Variants in NAALADL2 observed in about 807,000 individuals in gnomAD.
NAALADL2 encodes inactive N-acetylated-alpha-linked acidic dipeptidase-like protein 2.
A neutral mutation model predicts 87.2 loss-of-function variants in NAALADL2; 76 were observed. The ratio of observed to expected loss-of-function variants is 0.87; its 90% confidence interval spans 0.72 to 1.05. The LOEUF (loss-of-function observed/expected upper bound fraction) is 1.05. NAALADL2 is among the 50% of genes least tolerant of loss of function. The probability of loss-of-function intolerance (pLI) is 0.00; values close to 1 mark genes in which losing one functional copy is unlikely to be tolerated. For synonymous variants in NAALADL2, 354 were observed against 331.0 expected (o/e 1.07, Z -0.75); for missense variants, 1,089 against 945.8 (o/e 1.15, Z -1.99).
rs561354956 is a variant in NAALADL2, at chr3:175,311,632, C to G, written c.940-12543C>G. Among the ~76,000 whole-genome samples, 3 of 151,260 alleles carry G rather than the reference C, an allele frequency of 2.0e-5. No individual in the cohort carries two copies. The East Asian group carries it at 5.9e-4, about 30-fold the overall frequency. On this transcript the variant is annotated intron_variant, in intron 4 of 13. Transcript: ENST00000454872. ...CTTTCCTTCCTTCTTCCCTCCCTCC[C>G]TTTATCCCTTCCTCTCTCCCTCCCT...
At chr3:174,712,197 C>G (rs998283608) in intron 2 of NAALADL2, among the ~76,000 whole-genome samples, 2 of 152,026 alleles carry the variant, frequency 1.3e-5, no homozygotes, top group Admixed American at 6.6e-5. Flanking sequence ...TCAATATAAT[C>G]TTAAAACTAC....
At chr3:175,543,769 G>C (rs1441218516) in intron 9 of NAALADL2, among the ~76,000 whole-genome samples, 3 of 151,974 alleles carry the variant, frequency 2.0e-5, no homozygotes, top group Non-Finnish European at 4.4e-5. Flanking sequence ...ATTTGGGTGG[G>C]GAAACAGCCA....
chr3:174,852,343 T>C (rs947247852), intron 3 of NAALADL2, among the ~76,000 whole-genome samples: 1 of 152,032 alleles, frequency 6.6e-6, no homozygotes, highest in South Asian at 2.1e-4. Context: ...AAAAAAACAA[T>C]TAGAACTGAT....
At chr3:174,771,733 A>C (rs1165470358) in intron 3 of NAALADL2, among the ~76,000 whole-genome samples, 2 of 152,172 alleles carry the variant, frequency 1.3e-5, no homozygotes, top group African/African-American at 4.8e-5. Context: ...ATCCATGAGT[A>C]TGGTACAGGG....
intron 1 of NAALADL2, among the ~76,000 whole-genome samples, chr3:174,514,663 AT>A (rs1719811333): frequency 1.3e-5 from 2 of 151,884 alleles, no homozygotes; most frequent in African/African-American, 4.8e-5. Context: ...ATAGGAGTAT[AT>A]TTGCTTTTAT....
chr3:175,253,168 C>T (rs969818490), intron 3 of NAALADL2, among the ~76,000 whole-genome samples: 2 of 152,176 alleles, frequency 1.3e-5, no homozygotes, highest in Non-Finnish European at 1.5e-5. Context: ...GAGAAGAAGG[C>T]TAGGCCAGGC....
intron 11 of NAALADL2, among the ~76,000 whole-genome samples, chr3:175,678,305 C>G (rs1735102855): frequency 6.6e-6 from 1 of 152,044 alleles, no homozygotes; most frequent in South Asian, 2.1e-4. Flanking sequence ...TCCCCTGAAC[C>G]CAGTAACATG....
intron 1 of NAALADL2, among the ~76,000 whole-genome samples, chr3:174,467,958 AT>A (rs1342764617): frequency 1.3e-5 from 2 of 152,072 alleles, no homozygotes; most frequent in Non-Finnish European, 2.9e-5. Flanking sequence ...TGTTATGTAT[AT>A]TTTGATATGG....
At chr3:175,647,318 C>T (rs1730150348) in intron 11 of NAALADL2, among the ~76,000 whole-genome samples, 3 of 152,008 alleles carry the variant, frequency 2.0e-5, no homozygotes, top group Admixed American at 2.0e-4. Flanking sequence ...ATTTAAGATT[C>T]AGTGGGTACA....
chr3:175,163,546 A>C (rs543797070), intron 2 of NAALADL2, among the ~76,000 whole-genome samples: 1 of 151,984 alleles, frequency 6.6e-6, no homozygotes, highest in Non-Finnish European at 1.5e-5. Context: ...GAAAACCATA[A>C]TATTCTACCT....
At chr3:175,359,326 G>T in intron 5 of NAALADL2, among the ~76,000 whole-genome samples, 1 of 151,938 alleles carries the variant, frequency 6.6e-6, no homozygotes, top group South Asian at 2.1e-4. Flanking sequence ...AATACCACTT[G>T]AATTAATGAT....
intron 1 of NAALADL2, among the ~76,000 whole-genome samples, chr3:175,076,260 A>G (rs1341822108): frequency 6.6e-6 from 1 of 152,034 alleles, no homozygotes; most frequent in Non-Finnish European, 1.5e-5. Flanking sequence ...GTCATAAGAA[A>G]AGATTAGATG....
chr3:174,632,293 T>G (rs1031953001), intron 2 of NAALADL2, among the ~76,000 whole-genome samples: 1 of 152,184 alleles, frequency 6.6e-6, no homozygotes, highest in Non-Finnish European at 1.5e-5. Flanking sequence ...CTATTGACCG[T>G]GCTCTATCCA....
chr3:175,657,171 C>T (rs1227986749), intron 11 of NAALADL2, among the ~76,000 whole-genome samples: 5 of 152,130 alleles, frequency 3.3e-5, no homozygotes, highest in African/African-American at 1.2e-4. Flanking sequence ...TCTCTGATTT[C>T]ATCATTCTAA....
chr3:175,026,161 C>T (rs1752192472), intron 1 of NAALADL2, among the ~76,000 whole-genome samples: 1 of 151,980 alleles, frequency 6.6e-6, no homozygotes, highest in Non-Finnish European at 1.5e-5. Context: ...GAAGAAAATC[C>T]TTCTGTACTA....
chr3:175,168,296 G>T (rs1734278877), intron 2 of NAALADL2, among the ~76,000 whole-genome samples: 1 of 151,776 alleles, frequency 6.6e-6, no homozygotes, highest in African/African-American at 2.4e-5. Context: ...ACTAAAACTA[G>T]GCTACTTATA....
At chr3:175,398,346 T>TTTG (rs200298304) in intron 5 of NAALADL2, among the ~76,000 whole-genome samples, 1,602 of 96,400 alleles carry the variant, frequency 0.017, 20 homozygotes, top group African/African-American at 0.018. Flanking sequence ...TTCTGCTACT[T>TTTG]TTTTTTTTTT....
chr3:175,217,148 A>G (rs1158033296), intron 2 of NAALADL2, among the ~76,000 whole-genome samples: 1 of 152,148 alleles, frequency 6.6e-6, no homozygotes, highest in Non-Finnish European at 1.5e-5. Flanking sequence ...AAAAAGAACA[A>G]TTTTATTCAC....
At chr3:174,660,950 A>C (rs1725445781) in intron 2 of NAALADL2, among the ~76,000 whole-genome samples, 1 of 152,190 alleles carries the variant, frequency 6.6e-6, no homozygotes, top group African/African-American at 2.4e-5. Context: ...GAGAACTGCC[A>C]AGAAAATCCA....
Sources: gnomAD v4.1 joint callset for allele counts (sites outside exome capture counted in the v4.1 genomes callset) on GRCh38, gnomAD v4.1.1 for gene constraint, MANE v1.5 for transcripts, NCBI Gene and HGNC (gene_info 2026-07-23, HGNC 2026-07-21) for gene names.